The following CCSER1 variants were observed in gnomAD, a reference collection of about 807,000 sequenced individuals.
The protein encoded by CCSER1 is coiled-coil serine rich protein 1.
A neutral mutation model predicts 82.0 loss-of-function variants in CCSER1; 41 were observed. The ratio of observed to expected loss-of-function variants is 0.50; its 90% CI spans 0.39 to 0.65. The LOEUF (loss-of-function observed/expected upper bound fraction) is 0.65, where lower values mean the gene tolerates loss of function less well. CCSER1 is among the 30% of genes least tolerant of loss of function. CCSER1 has a pLI of 0.00. For synonymous variants in CCSER1, 414 were observed against 383.9 expected, an observed-to-expected ratio of 1.08 and a Z score of -0.92; for missense variants, 1,119 against 1,064.2, an observed-to-expected ratio of 1.05 and a Z score of -0.72.
At chr4:91,132,567 C>T (rs2148911458) in intron 10 of CCSER1, among the ~76,000 whole-genome samples, 1 of 152,324 alleles carries the variant, frequency 6.6e-6, no homozygotes, top group Admixed American at 6.5e-5. Flanking sequence ...TCCAAGCTCT[C>T]TGCTGGTTGC....
intron 10 of CCSER1, among the ~76,000 whole-genome samples, chr4:91,318,035 CAGAA>C (rs1745949824): frequency 6.6e-6 from 1 of 151,710 alleles, no homozygotes; most frequent in Admixed American, 6.6e-5. Flanking sequence ...TTTTTGTAGA[CAGAA>C]AGTGAAACAT....
chr4:91,068,113 G>A (rs1483560208), intron 9 of CCSER1, among the ~76,000 whole-genome samples: 1 of 152,160 alleles, frequency 6.6e-6, no homozygotes, highest in East Asian at 1.9e-4. Flanking sequence ...TTTGAAAGAT[G>A]TTATTACCAG....
chr4:91,486,612 A>C (rs1265962574), intron 10 of CCSER1, among the ~76,000 whole-genome samples: 2 of 152,146 alleles, frequency 1.3e-5, no homozygotes, highest in African/African-American at 4.8e-5. Flanking sequence ...TTTGAAAAAT[A>C]AAAATAAAAA....
In CCSER1 at chr4:91,173,815, C is replaced by T. The variant is rs191080606; in HGVS notation, c.2217+87821C>T. ...CTAAAAAAGGATGAAAACAGAAGAA[C>T]AAATGGGAGAAAATAACCCAATAGA... On this transcript the variant is annotated intron_variant, in intron 10 of 10. Transcript: ENST00000509176. 6.6e-4 allele frequency among the ~76,000 whole-genome samples: 101 copies of T among 152,172 alleles called. 1 individual carries two copies. Among genetic ancestry groups the T allele is most frequent in the African/African-American group, 2.2e-3 (93 of 41,532 alleles).
At chr4:90,598,956 C>G (rs1395999251) in intron 5 of CCSER1, among the ~76,000 whole-genome samples, 1 of 152,180 alleles carries the variant, frequency 6.6e-6, no homozygotes, top group East Asian at 1.9e-4. Context: ...GCAGTGGCTA[C>G]TGGCCATTAG....
chr4:90,170,460 A>T (rs925212108), intron 1 of CCSER1, among the ~76,000 whole-genome samples: 1 of 151,738 alleles, frequency 6.6e-6, no homozygotes, highest in African/African-American at 2.4e-5. Context: ...CAACAATTTA[A>T]AAATATTTCT....
chr4:91,061,234 A>G (rs1235410806), intron 9 of CCSER1, among the ~76,000 whole-genome samples: 2 of 152,026 alleles, frequency 1.3e-5, no homozygotes, highest in Non-Finnish European at 2.9e-5. Context: ...GTGATGTTAA[A>G]TGACTTATGT....
intron 10 of CCSER1, among the ~76,000 whole-genome samples, chr4:91,311,952 CCTGT>C (rs1389362709): frequency 1.3e-5 from 2 of 151,726 alleles, no homozygotes; most frequent in East Asian, 2.0e-4. Flanking sequence ...GTTAGTAACT[CCTGT>C]CTAACAGGAC....
intron 5 of CCSER1, among the ~76,000 whole-genome samples, chr4:90,500,859 GT>G (rs1769765556): frequency 6.6e-6 from 1 of 151,936 alleles, no homozygotes. Flanking sequence ...TTGCTTCAGA[GT>G]TTTATTATTT....
chr4:91,460,947 TA>T (rs562782843), intron 10 of CCSER1, among the ~76,000 whole-genome samples: 15 of 152,078 alleles, frequency 9.9e-5, no homozygotes, highest in Non-Finnish European at 1.6e-4. Context: ...CCTCAAAGGA[TA>T]AAAAAAATCC....
At chr4:90,449,575 T>C (rs1761150280) in intron 4 of CCSER1, among the ~76,000 whole-genome samples, 1 of 152,110 alleles carries the variant, frequency 6.6e-6, no homozygotes, top group South Asian at 2.1e-4. Context: ...CCACAACCCT[T>C]CCCTTGGCCT....
At chr4:91,572,747 A>G (rs965984432) in intron 10 of CCSER1, among the ~76,000 whole-genome samples, 12 of 151,356 alleles carry the variant, frequency 7.9e-5, no homozygotes, top group Non-Finnish European at 1.8e-4. Context: ...GGATAGCTTG[A>G]GCTCAGGAGT....
At chr4:90,391,504 AAT>A (rs70963065) in intron 3 of CCSER1, among the ~76,000 whole-genome samples, 13,407 of 79,180 alleles carry the variant, frequency 0.17, 1,184 homozygotes, top group African/African-American at 0.23. Flanking sequence ...ACAGTGGGTA[AAT>A]ATATATATAT....
intron 1 of CCSER1, among the ~76,000 whole-genome samples, chr4:90,208,523 C>G (rs947168784): frequency 3.3e-5 from 5 of 151,748 alleles, no homozygotes; most frequent in Non-Finnish European, 7.4e-5. Context: ...GGTTTTGTCT[C>G]GGTGGCATTC....
intron 1 of CCSER1, among the ~76,000 whole-genome samples, chr4:90,146,093 G>C (rs1485631013): frequency 6.6e-6 from 1 of 152,066 alleles, no homozygotes; most frequent in Non-Finnish European, 1.5e-5. Flanking sequence ...ATGTTTCAAA[G>C]TGAAATATTC....
chr4:91,102,160 G>GA (rs1336565978), intron 10 of CCSER1, among the ~76,000 whole-genome samples: 1 of 151,944 alleles, frequency 6.6e-6, no homozygotes, highest in Non-Finnish European at 1.5e-5. Context: ...AGACCAGAAT[G>GA]AAAAAAATCT....
chr4:90,168,095 T>G (rs1310341396), intron 1 of CCSER1, among the ~76,000 whole-genome samples: 2 of 152,188 alleles, frequency 1.3e-5, no homozygotes, highest in Non-Finnish European at 2.9e-5. Flanking sequence ...CCACCAAAAG[T>G]GTAAAAGTGT....
intron 5 of CCSER1, among the ~76,000 whole-genome samples, chr4:90,483,157 G>C (rs1392704629): frequency 6.6e-6 from 1 of 152,062 alleles, no homozygotes; most frequent in Admixed American, 6.5e-5. Flanking sequence ...GATCTTTGTT[G>C]GTTTAAAGTC....
At chr4:91,350,217 G>T (rs757410374) in intron 10 of CCSER1, among the ~76,000 whole-genome samples, 6 of 151,964 alleles carry the variant, frequency 3.9e-5, no homozygotes, top group Non-Finnish European at 5.9e-5. Flanking sequence ...GTATTAAATT[G>T]AATTTGCAAA....
Sources: gnomAD v4.1 joint callset for allele counts (sites outside exome capture counted in the v4.1 genomes callset) on GRCh38, gnomAD v4.1.1 for gene constraint, MANE v1.5 for transcripts, NCBI Gene and HGNC (gene_info 2026-07-23, HGNC 2026-07-21) for gene names.